Variants in CEP120 observed in about 807,000 individuals in gnomAD.
CEP120 encodes the protein centrosomal protein 120.
In CEP120, 113 loss-of-function variants were observed where a neutral mutation model predicts 126.5. The ratio of observed to expected loss-of-function variants is 0.89; its 90% CI spans 0.77 to 1.04. The LOEUF (loss-of-function observed/expected upper bound fraction) is 1.04. Among genes scored for constraint, CEP120 ranks in the 50% least tolerant of loss-of-function variants. The probability of loss-of-function intolerance (pLI) is 0.00; values close to 1 mark genes in which losing one functional copy is unlikely to be tolerated. For missense variants in CEP120, 1,230 were observed against 1,155.7 expected, an observed-to-expected ratio of 1.06 and a Z score of -0.93; for synonymous variants, 400 against 394.3, an observed-to-expected ratio of 1.01 and a Z score of -0.17.
At chr5:123,364,442 T>G (rs1269189107) in intron 18 of CEP120, 54 bp downstream of exon 18, 2 of 1,203,734 alleles carry the variant, frequency 1.7e-6, no homozygotes, top group East Asian at 2.4e-5. Context: ...ACATACGAAT[T>G]TGCAAAGAAA....
At chr5:123,404,628 C>T (rs1275337890) in intron 4 of CEP120, among the ~76,000 whole-genome samples, 1 of 152,196 alleles carries the variant, frequency 6.6e-6, no homozygotes, top group Non-Finnish European at 1.5e-5. Context: ...TGTTAAAATA[C>T]TGAATTATAA....
chr5:123,394,072 G>A (rs1402596304), intron 5 of CEP120, among the ~76,000 whole-genome samples: 1 of 152,192 alleles, frequency 6.6e-6, no homozygotes, highest in East Asian at 1.9e-4. Context: ...ATATGACTAA[G>A]AGATGGGATT....
intron 4 of CEP120, among the ~76,000 whole-genome samples, chr5:123,402,752 T>C (rs1485156833): frequency 2.0e-5 from 3 of 152,192 alleles, no homozygotes; most frequent in African/African-American, 4.8e-5. Context: ...ATGGTGTATA[T>C]GTGCTATGGT....
At position 123,393,531 on chromosome 5, in the gene CEP120, C is replaced by T. The variant is rs148792229; in HGVS notation, c.613-34G>A. Reference sequence around the variant, plus strand: ...TTCAGGAAAAAGAAAACAGTTATTACTTTCTAAACTACTGAACATGCTTAG... The same window carrying T: ...TTCAGGAAAAAGAAAACAGTTATTATTTTCTAAACTACTGAACATGCTTAG... On this transcript the variant is annotated intron_variant, in intron 5 of 19. Transcript: ENST00000306467. The T allele has an allele frequency of 2.4e-4, 370 of 1,544,244 alleles. 3 individuals carry two copies. The East Asian group carries it at 8.3e-3, about 34-fold the overall frequency.
At chr5:123,359,464 T>C (rs977631186) in intron 18 of CEP120, among the ~76,000 whole-genome samples, 7 of 152,118 alleles carry the variant, frequency 4.6e-5, no homozygotes, top group Admixed American at 3.3e-4. Context: ...AGAGCACAAG[T>C]AGGAAAGCAG....
intron 3 of CEP120, among the ~76,000 whole-genome samples, chr5:123,415,170 G>A (rs1774306992): frequency 6.6e-6 from 1 of 152,076 alleles, no homozygotes; most frequent in Non-Finnish European, 1.5e-5. Context: ...AATGCAAGGA[G>A]CAGGAAGCAG....
intron 10 of CEP120, among the ~76,000 whole-genome samples, chr5:123,385,818 A>G (rs761735927): frequency 1.3e-5 from 2 of 151,972 alleles, no homozygotes; most frequent in Non-Finnish European, 2.9e-5. Context: ...TGCTCAGGCT[A>G]GTCTAAAACT....
intron 4 of CEP120, among the ~76,000 whole-genome samples, chr5:123,409,031 A>T (rs1467482478): frequency 1.3e-5 from 2 of 152,192 alleles, no homozygotes; most frequent in Admixed American, 6.5e-5. Flanking sequence ...ACATAGGGAG[A>T]CTGCATCTCT....
intron 11 of CEP120, 28 bp downstream of exon 11, chr5:123,384,923 C>A: frequency 6.5e-7 from 1 of 1,544,370 alleles, no homozygotes; most frequent in Non-Finnish European, 8.7e-7. Flanking sequence ...AAAAGAAAAG[C>A]AAATACCAAT....
At chr5:123,361,047 C>T (rs750235765) in intron 18 of CEP120, among the ~76,000 whole-genome samples, 1 of 143,492 alleles carries the variant, frequency 7.0e-6, no homozygotes, top group Non-Finnish European at 1.5e-5. Context: ...AATGATTATT[C>T]AATTCTCCAG....
At chr5:123,392,303 T>TA (rs1236243609) in intron 6 of CEP120, among the ~76,000 whole-genome samples, 1 of 152,244 alleles carries the variant, frequency 6.6e-6, no homozygotes, top group African/African-American at 2.4e-5. Context: ...CCATTTTATA[T>TA]AGTCTTCAGT....
chr5:123,411,599 A>G (rs941296835), intron 4 of CEP120, among the ~76,000 whole-genome samples: 1 of 152,234 alleles, frequency 6.6e-6, no homozygotes, highest in Non-Finnish European at 1.5e-5. Context: ...AAAAGGCTAC[A>G]TACTATATTA....
chr5:123,394,577 G>C (rs1488804606), intron 5 of CEP120, among the ~76,000 whole-genome samples: 1 of 152,144 alleles, frequency 6.6e-6, no homozygotes, highest in Non-Finnish European at 1.5e-5. Context: ...CGCAGCCTGA[G>C]GGTTGAGGAT....
In CEP120 at chr5:123,378,350, T is replaced by C. The variant is rs61744334; in HGVS notation, c.2182A>G (p.Ser728Gly). 2,207 of 1,606,672 alleles carry C rather than the reference T, an allele frequency of 1.4e-3. 19 individuals carry two copies. The African/African-American group carries it at 0.024, about 18-fold the overall frequency. ...DLEKREQQLA[S>G]VESELQREKK... ...GAATGACATACCTCTGATTCCACAC[T>C]AGCAAGCTGCTGCTCTCGCTTCTCC... Residue 728 changes from serine to glycine, a missense_variant, in exon 15 of 20, where the codon AGT (serine) becomes GGT (glycine). By Grantham distance (56) the Ser-to-Gly change is moderately conservative. Transcript: ENST00000306467.
rs1131691279 is a variant in CEP120, at chr5:123,399,161, A to G, written c.587T>C (p.Ile196Thr). The G allele has an allele frequency of 1.2e-6, 2 of 1,612,060 alleles. No homozygotes were observed. The highest frequency in any genetic ancestry group is 2.7e-5 in the African/African-American group (2 of 74,936). Residue 196 changes from isoleucine (I) to threonine (T), a missense_variant, in exon 5 of 20, where the codon ATA becomes ACA. Coordinates refer to ENST00000306467, the MANE Select transcript of CEP120 (RefSeq NM_001375405.1). ...CTGTTCCAACTGGGTAGCAAATGCT[A>G]TGGTCACTGACATAATAAAGGAGTC... ...CTDSFIMSVT[I>T]AFATQLEQLI...
chr5:123,414,571 T>A (rs903197403), intron 3 of CEP120, among the ~76,000 whole-genome samples: 4 of 152,282 alleles, frequency 2.6e-5, no homozygotes, highest in Middle Eastern at 6.8e-3. Context: ...ATTGTTTAAC[T>A]TTTTTCCCCC....
chr5:123,361,223 T>G (rs1343744414), intron 18 of CEP120, among the ~76,000 whole-genome samples: 1 of 151,836 alleles, frequency 6.6e-6, no homozygotes, highest in East Asian at 1.9e-4. Context: ...TCCAGTAGTG[T>G]TATTTGAATC....
chr5:123,375,728 A>T (rs573259320), intron 16 of CEP120, among the ~76,000 whole-genome samples: 1 of 152,248 alleles, frequency 6.6e-6, no homozygotes, highest in South Asian at 2.1e-4. Context: ...AATCTTCCTG[A>T]TAATTGGAAG....
intron 3 of CEP120, among the ~76,000 whole-genome samples, chr5:123,414,194 A>G (rs947684876): frequency 1.3e-5 from 2 of 152,172 alleles, no homozygotes; most frequent in Non-Finnish European, 1.5e-5. Context: ...AACTAAACTG[A>G]CTGCAGAAGT....
Sources: allele counts gnomAD v4.1 joint callset (sites outside exome capture counted in the v4.1 genomes callset), GRCh38; gene constraint gnomAD v4.1.1; transcripts MANE v1.5; gene names NCBI Gene and HGNC (gene_info 2026-07-23, HGNC 2026-07-21).